Variants in ADSS1 observed in about 807,000 individuals in gnomAD.
ADSS1 encodes the protein adenylosuccinate synthetase isozyme 1.
ADSS1 carries 57 observed loss-of-function variants against 59.1 expected under a neutral mutation model. That is an observed-to-expected ratio of 0.97 (90% CI 0.78 to 1.20). The LOEUF (loss-of-function observed/expected upper bound fraction) is 1.20. Among genes scored for constraint, ADSS1 ranks in the 50% most tolerant of loss-of-function variants. ADSS1 has a pLI of 0.00. For missense variants in ADSS1, 603 were observed against 610.3 expected (o/e 0.99, Z 0.13); for synonymous variants, 247 against 249.4 (o/e 0.99, Z 0.09).
Position 104,744,812 on chromosome 14 carries a change from G to C in ADSS1, c.1074G>C (p.Ala358=), listed in dbSNP as rs1419225648. 2.5e-6 allele frequency: 4 copies of C among 1,614,116 alleles called. No homozygotes were observed. Among genetic ancestry groups the C allele is most frequent in the Non-Finnish European group, 2.5e-6 (3 of 1,180,018 alleles). Reference sequence around the variant, plus strand: ...TGCCCGGCCCCTTGGCTTTCCACAGGCTGGCCCTGACGAAGCTGGACATCC... The same window carrying C: ...TGCCCGGCCCCTTGGCTTTCCACAGCCTGGCCCTGACGAAGCTGGACATCC... ...RYAHMVNGFT[A]LALTKLDILD... The change falls in exon 11 of 13, where the codon GCG becomes GCC. Residue 358 remains alanine, a splice_region_variant and synonymous_variant. Transcript: ENST00000330877.
chr14:104,730,203 G>T, intron 1 of ADSS1: 2 of 1,517,348 alleles, frequency 1.3e-6, no homozygotes, highest in Non-Finnish European at 1.8e-6. Flanking sequence ...TTAACACCTG[G>T]AGGGGAGCGG....
chr14:104,736,500 C>T lies in ADSS1; in HGVS notation c.295+1378C>T, dbSNP rs186251435. On this transcript the variant is annotated intron_variant, in intron 2 of 12. Coordinates refer to ENST00000330877, the MANE Select transcript of ADSS1 (RefSeq NM_152328.5). ...GCGTGTTTATTTCAGGATGCCGTGG[C>T]ATTTGGGTGACCTTTTGTGCTCACC... 4.6e-5 allele frequency among the ~76,000 whole-genome samples: 7 copies of T among 152,330 alleles called. No individual in the cohort carries two copies. The East Asian group carries it at 1.2e-3, about 25-fold the overall frequency.
At chr14:104,739,951 G>T in intron 5 of ADSS1, 135 bp downstream of exon 5, 1 of 945,082 alleles carries the variant, frequency 1.1e-6, no homozygotes. Flanking sequence ...GAATGGCACC[G>T]TCAAAATTCC....
rs1729554100 is a variant in ADSS1, at chr14:104,744,887, G to A, written c.1149G>A (p.Gly383=). The A allele has an allele frequency of 6.2e-7, 1 of 1,613,984 alleles. No homozygotes were observed. Among genetic ancestry groups the A allele is most frequent in the South Asian group, 1.1e-5 (1 of 91,086 alleles). ...TCGGTGTCTCATACAAGCTGAACGG[G>A]AAAAGGATTCCCTATTTCCCAGGTA... ...VKVGVSYKLN[G]KRIPYFPANQ... Residue 383 remains glycine, a synonymous_variant, in exon 11 of 13, where the codon GGG becomes GGA. Transcript: ENST00000330877.
At position 104,724,463 on chromosome 14, in the gene ADSS1, G is replaced by GT. The variant is rs980139646; in HGVS notation, c.192+2dup. 3.2e-6 allele frequency: 4 copies of GT among 1,245,454 alleles called. No individual in the cohort carries two copies. In the African/African-American group the frequency reaches 6.2e-5, roughly 19 times the overall value. 77.2% of individuals were successfully genotyped at this position (1,245,454 alleles called of 1,614,324 possible). On this transcript the variant is annotated splice_donor_variant, in intron 1 of 12. Coordinates refer to ENST00000330877, the MANE Select transcript of ADSS1 (RefSeq NM_152328.5). LOFTEE classifies it high-confidence loss of function. ...CGCCGACATCATCAGCCGCTGCCAG[G>GT]TGCGGGCTGGGGCGCCGGGTCCCTC...
At chr14:104,732,157 T>C (rs1303150873) in intron 1 of ADSS1, among the ~76,000 whole-genome samples, 2 of 152,202 alleles carry the variant, frequency 1.3e-5, no homozygotes, top group African/African-American at 4.8e-5. Flanking sequence ...ATGGTCAGCC[T>C]TGGCTGGTGG....
rs751873457 is a variant in ADSS1 at position 104,742,009 on chromosome 14, C to G, written c.948+7C>G. 3 of 1,612,284 alleles carry G rather than the reference C, an allele frequency of 1.9e-6. No homozygotes were observed. The highest frequency in any genetic ancestry group is 1.7e-6 in the Non-Finnish European group (2 of 1,179,644). On this transcript the variant is annotated splice_region_variant and intron_variant, in intron 9 of 12. Transcript: ENST00000330877. ...CCCCACCGAGCAGATCAACGTGAGT[C>G]CCCAGCCCCTCGGGACCCCGTGGGA...
Position 104,746,230 on chromosome 14 carries a change from C to T in ADSS1, c.1172-6C>T. The T allele has an allele frequency of 2.5e-6, 4 of 1,604,294 alleles. No homozygotes were observed. The highest frequency in any genetic ancestry group is 1.3e-5 in the African/African-American group (1 of 74,906). Reference sequence around the variant, plus strand: ...GCCCCACTCATCTCCTGTGTGCTTCCCCCAGCTAACCAGGAGATGCTTCAG... The same window carrying T: ...GCCCCACTCATCTCCTGTGTGCTTCTCCCAGCTAACCAGGAGATGCTTCAG... On this transcript the variant is annotated splice_polypyrimidine_tract_variant and splice_region_variant and intron_variant, in intron 11 of 12. Transcript: ENST00000330877.
chr14:104,747,058 A>G lies in ADSS1; in HGVS notation c.*55A>G. The G allele has an allele frequency of 1.3e-6, 2 of 1,523,634 alleles. No individual in the cohort carries two copies. Among genetic ancestry groups the G allele is most frequent in the Non-Finnish European group, 9.0e-7 (1 of 1,111,440 alleles). 94.4% of individuals were successfully genotyped at this position (1,523,634 alleles called of 1,614,324 possible). A position where few individuals can be genotyped will look rare whatever the true frequency, so the allele number is the denominator to read the frequency against. The stretch of plus-strand genomic sequence containing the variant: ...TGGCAGCGTCTGGACTTGTGTAAAC[A>G]GCAGCAGTCACGTTCCTCGGCCGCC... On this transcript the variant is annotated 3_prime_UTR_variant, in exon 13 of 13. Transcript: ENST00000330877.
intron 1 of ADSS1, chr14:104,730,254 G>A (rs746631150): frequency 1.0e-5 from 15 of 1,448,844 alleles, no homozygotes; most frequent in Non-Finnish European, 1.4e-5. Context: ...AGCACTTTGG[G>A]AGGCCGAGGC....
intron 1 of ADSS1, among the ~76,000 whole-genome samples, chr14:104,727,369 G>C (rs907651716): frequency 2.6e-5 from 4 of 151,848 alleles, no homozygotes; most frequent in Admixed American, 2.6e-4. Context: ...TTCCAGGGCG[G>C]CTCTGGGTCT....
At chr14:104,729,455 T>A (rs1023090149) in intron 1 of ADSS1, among the ~76,000 whole-genome samples, 8 of 148,922 alleles carry the variant, frequency 5.4e-5, no homozygotes, top group Non-Finnish European at 1.2e-4. Context: ...TGGAGACGCC[T>A]TGCACGTGTC....
At position 104,740,585 on chromosome 14, in the gene ADSS1, A is replaced by G. The variant is rs114109100; in HGVS notation, c.477-16A>G. The G allele has an allele frequency of 7.3e-4, 1,171 of 1,610,078 alleles. 8 individuals are homozygous for G. In the African/African-American group the frequency reaches 0.014, roughly 19 times the overall value. ...GGCTCCTGGGTTCTCATGGGTACCC[A>G]CTCCCCATCTTTCAGTATAGGCACC... On this transcript the variant is annotated splice_polypyrimidine_tract_variant and intron_variant, in intron 5 of 12. Coordinates refer to ENST00000330877, the MANE Select transcript of ADSS1 (RefSeq NM_152328.5). This position sits in a 1 kb window ranked among gnomAD's most constrained non-coding sequence, Gnocchi z 4.8.
chr14:104,736,916 ATT>A (rs1419314352), intron 2 of ADSS1, among the ~76,000 whole-genome samples: 1 of 127,774 alleles, frequency 7.8e-6, no homozygotes, highest in Non-Finnish European at 1.7e-5. Context: ...ATATATATGC[ATT>A]TTTTTTTTTT....
At chr14:104,734,655 G>A (rs1389445043) in intron 1 of ADSS1, among the ~76,000 whole-genome samples, 2 of 152,200 alleles carry the variant, frequency 1.3e-5, no homozygotes, top group African/African-American at 4.8e-5. Context: ...GTTTGGCCGT[G>A]GGGGTGCTGA....
At chr14:104,732,566 C>T (rs1398640613) in intron 1 of ADSS1, among the ~76,000 whole-genome samples, 1 of 152,210 alleles carries the variant, frequency 6.6e-6, no homozygotes, top group Non-Finnish European at 1.5e-5. Flanking sequence ...TACGACAAGC[C>T]GCGCCTGTTC....
At chr14:104,745,992 A>G (rs1891540377) in intron 11 of ADSS1, 3 of 386,798 alleles carry the variant, frequency 7.8e-6, no homozygotes, top group East Asian at 8.4e-5. Flanking sequence ...CAGAGTGGGT[A>G]GCACATATGT....
Position 104,740,583 on chromosome 14 carries a change from C to G in ADSS1, c.477-18C>G, listed in dbSNP as rs1427714799. On this transcript the variant is annotated intron_variant, in intron 5 of 12. Coordinates refer to ENST00000330877, the MANE Select transcript of ADSS1 (RefSeq NM_152328.5). This position sits in a 1 kb window ranked among gnomAD's most constrained non-coding sequence, Gnocchi z 4.8. Reference sequence around the variant, plus strand: ...AGGGCTCCTGGGTTCTCATGGGTACCCACTCCCCATCTTTCAGTATAGGCA... The same window carrying G: ...AGGGCTCCTGGGTTCTCATGGGTACGCACTCCCCATCTTTCAGTATAGGCA... 2 of 1,610,344 alleles carry G rather than the reference C, an allele frequency of 1.2e-6. No homozygotes were observed. The highest frequency in any genetic ancestry group is 3.3e-5 in the Admixed American group (2 of 59,842).
Position 104,747,080 on chromosome 14 carries a change from C to A in ADSS1, c.*77C>A. 1 of 1,342,402 alleles carries A rather than the reference C, an allele frequency of 7.4e-7. No homozygotes were observed. The highest frequency in any genetic ancestry group is 1.0e-6 in the Non-Finnish European group (1 of 970,212). 83.2% of individuals were successfully genotyped at this position (1,342,402 alleles called of 1,614,324 possible). A position where few individuals can be genotyped will look rare whatever the true frequency, so the allele number is the denominator to read the frequency against. ...AACAGCAGCAGTCACGTTCCTCGGC[C>A]GCCACAACCAACACCAAAGCAGGAA... On this transcript the variant is annotated 3_prime_UTR_variant, in exon 13 of 13. Transcript: ENST00000330877.
Sources: gnomAD v4.1 joint callset for allele counts (sites outside exome capture counted in the v4.1 genomes callset) on GRCh38, gnomAD v4.1.1 for gene constraint, Gnocchi (gnomAD v3.1) non-coding constraint, MANE v1.5 for transcripts, NCBI Gene and HGNC (gene_info 2026-07-23, HGNC 2026-07-21) for gene names.